Variants in ENTREP2 observed in about 807,000 individuals in gnomAD.
ENTREP2 encodes the protein protein ENTREP2.
chr15:29,234,584 T>C, the ENTREP2 span: 23 of 1,484,904 alleles, frequency 1.5e-5, no homozygotes, highest in Non-Finnish European at 2.0e-5. Context: ...AATTAAAATA[T>C]CATCTTCACA....
At chr15:29,133,685 G>A in the ENTREP2 span, among the ~76,000 whole-genome samples, 2 of 152,280 alleles carry the variant, frequency 1.3e-5, no homozygotes, top group South Asian at 2.1e-4. Flanking sequence ...GTAGCCTGTC[G>A]TGTGTGGGGG....
the ENTREP2 span, among the ~76,000 whole-genome samples, chr15:29,444,212 AAGAAAGAAAG>A: frequency 1.3e-5 from 2 of 150,246 alleles, no homozygotes; most frequent in Admixed American, 6.6e-5. Flanking sequence ...GAAAGAAAGA[AAGAAAGAAAG>A]AAAGAAAGAA....
the ENTREP2 span, among the ~76,000 whole-genome samples, chr15:29,556,302 A>G: frequency 6.6e-6 from 1 of 152,168 alleles, no homozygotes; most frequent in Non-Finnish European, 1.5e-5. Flanking sequence ...CAATGGGTCA[A>G]GTGACAACTT....
At chr15:29,151,677 G>T in the ENTREP2 span, 1 of 1,357,398 alleles carries the variant, frequency 7.4e-7, no homozygotes. Flanking sequence ...AGCCAGAAGC[G>T]TCCACTCCTA....
chr15:29,155,313 T>G, the ENTREP2 span, among the ~76,000 whole-genome samples: 2 of 149,982 alleles, frequency 1.3e-5, no homozygotes, highest in African/African-American at 2.4e-5. Flanking sequence ...AGAAGAAGCG[T>G]TAGGCAGAAC....
the ENTREP2 span, among the ~76,000 whole-genome samples, chr15:29,246,972 G>GTCACACAC: frequency 1.8e-5 from 1 of 54,988 alleles, no homozygotes; most frequent in East Asian, 7.2e-4. Flanking sequence ...TGACTGGAAA[G>GTCACACAC]GCACACACAC....
the ENTREP2 span, among the ~76,000 whole-genome samples, chr15:29,602,191 T>C: frequency 6.6e-6 from 1 of 152,244 alleles, no homozygotes; most frequent in African/African-American, 2.4e-5. Flanking sequence ...GCAGGACCCA[T>C]GACTCAAGAA....
chr15:29,180,591 G>C, the ENTREP2 span, among the ~76,000 whole-genome samples: 1,684 of 152,210 alleles, frequency 0.011, 16 homozygotes, highest in African/African-American at 0.023. Context: ...TTGAACCCAG[G>C]AGACGGAGGT....
At chr15:29,298,468 G>GT in the ENTREP2 span, among the ~76,000 whole-genome samples, 1 of 152,208 alleles carries the variant, frequency 6.6e-6, no homozygotes, top group East Asian at 1.9e-4. Context: ...CAAATCTGAG[G>GT]TAAGATTGAT....
chr15:29,604,660 A>T, the ENTREP2 span, among the ~76,000 whole-genome samples: 1 of 152,236 alleles, frequency 6.6e-6, no homozygotes, highest in Non-Finnish European at 1.5e-5. Flanking sequence ...TTGAAATTCA[A>T]CGTGGAACTT....
At chr15:29,312,591 AT>A in the ENTREP2 span, among the ~76,000 whole-genome samples, 2 of 152,200 alleles carry the variant, frequency 1.3e-5, no homozygotes, top group Non-Finnish European at 2.9e-5. Flanking sequence ...TATATCTGAT[AT>A]AGTGGCCTGT....
the ENTREP2 span, among the ~76,000 whole-genome samples, chr15:29,591,395 A>G: frequency 0.71 from 107,445 of 152,054 alleles, 38,137 homozygotes; most frequent in South Asian, 0.81. Context: ...TTTCATGGAT[A>G]AGCAGACCCC....
At chr15:29,276,721 A>G in the ENTREP2 span, among the ~76,000 whole-genome samples, 1 of 152,220 alleles carries the variant, frequency 6.6e-6, no homozygotes, top group African/African-American at 2.4e-5. Flanking sequence ...AGACTCCTGG[A>G]GATAATGAAT....
At chr15:29,163,898 T>G in the ENTREP2 span, among the ~76,000 whole-genome samples, 1 of 152,108 alleles carries the variant, frequency 6.6e-6, no homozygotes, top group Non-Finnish European at 1.5e-5. Context: ...AGTAAAGAAT[T>G]TTAAGAGCTG....
the ENTREP2 span, chr15:29,610,775 T>A: frequency 6.6e-6 from 1 of 150,476 alleles, no homozygotes; most frequent in Non-Finnish European, 1.5e-5. Flanking sequence ...GCATCCAAGC[T>A]GAGTCTCATC....
At chr15:29,459,796 A>G in the ENTREP2 span, among the ~76,000 whole-genome samples, 6 of 152,232 alleles carry the variant, frequency 3.9e-5, no homozygotes, top group African/African-American at 1.4e-4. Flanking sequence ...TGACTCTTCC[A>G]TTAACACAGC....
the ENTREP2 span, among the ~76,000 whole-genome samples, chr15:29,635,999 C>G: frequency 4.6e-5 from 7 of 152,112 alleles, no homozygotes; most frequent in African/African-American, 1.7e-4. Flanking sequence ...CTTCTCATGG[C>G]GAGCCAAATC....
the ENTREP2 span, among the ~76,000 whole-genome samples, chr15:29,258,589 GA>G: frequency 2.6e-5 from 4 of 151,974 alleles, no homozygotes; most frequent in African/African-American, 9.7e-5. Context: ...TTCATAACAT[GA>G]AGTTTACCTT....
the ENTREP2 span, among the ~76,000 whole-genome samples, chr15:29,657,879 TATA>T: frequency 6.6e-6 from 1 of 152,254 alleles, no homozygotes; most frequent in South Asian, 2.1e-4. Context: ...TATACATATA[TATA>T]ATGAAATATT....
Sources: gnomAD v4.1 joint callset for allele counts (sites outside exome capture counted in the v4.1 genomes callset) on GRCh38, gnomAD v4.1.1 for gene constraint, MANE v1.5 for transcripts, NCBI Gene and HGNC (gene_info 2026-07-23, HGNC 2026-07-21) for gene names.